Variants in UGT2B28 observed in about 807,000 individuals in gnomAD.
UGT2B28 encodes the protein UDP glucuronosyltransferase family 2 member B28.
Under a neutral mutation model 43.6 loss-of-function variants are expected in UGT2B28, and 45 were observed. The ratio of observed to expected loss-of-function variants is 1.03; its 90% CI spans 0.81 to 1.32. The LOEUF (loss-of-function observed/expected upper bound fraction) is 1.32, where lower values mean the gene tolerates loss of function less well. UGT2B28 is among the 40% of genes most tolerant of loss of function. The probability of loss-of-function intolerance (pLI) is 0.00; values close to 1 mark genes in which losing one functional copy is unlikely to be tolerated. For synonymous variants in UGT2B28, 204 were observed against 208.1 expected (o/e 0.98, Z 0.17); for missense variants, 649 against 625.5 (o/e 1.04, Z -0.40).
rs1461158326 is a variant in UGT2B28 at position 69,283,590 on chromosome 4, C to A, written c.870+928C>A. On this transcript the variant is annotated intron_variant, in intron 2 of 5. Transcript: ENST00000335568. ...CCTACATTTGCTAAAATAGTGCCAACTTCATATTGTGTTGTGTGGAAGAAA... is the reference window on the plus strand; with the variant it reads ...CCTACATTTGCTAAAATAGTGCCAAATTCATATTGTGTTGTGTGGAAGAAA... 5.0e-5 allele frequency among the ~76,000 whole-genome samples: 7 copies of A among 140,426 alleles called. 2 individuals are homozygous for A. The highest frequency in any genetic ancestry group is 1.9e-4 in the African/African-American group (7 of 36,030). 92.1% of individuals were successfully genotyped at this position (140,426 alleles called of 152,430 possible).
chr4:69,285,205 C>T lies in UGT2B28; in HGVS notation c.871-1547C>T, dbSNP rs1245395713. The stretch of plus-strand genomic sequence containing the variant: ...AATAAGTGTCACATGTATACATTGA[C>T]CTATATAAATAGGACAAAATCCATA... On this transcript the variant is annotated intron_variant, in intron 2 of 5. Transcript: ENST00000335568. Among the ~76,000 whole-genome samples the T allele has an allele frequency of 8.7e-5, 12 of 138,646 alleles. 3 individuals are homozygous for T. The highest frequency in any genetic ancestry group is 3.4e-4 in the African/African-American group (12 of 35,370). 91.0% of individuals were successfully genotyped at this position (138,646 alleles called of 152,430 possible). A position where few individuals can be genotyped will look rare whatever the true frequency, so the allele number is the denominator to read the frequency against.
intron 4 of UGT2B28, among the ~76,000 whole-genome samples, 179 bp from the exon 5 acceptor site, chr4:69,290,413 A>T (rs987897624): frequency 7.1e-6 from 1 of 140,638 alleles, no homozygotes; most frequent in Non-Finnish European, 1.5e-5. Context: ...AGTTATGCAC[A>T]CCACGGAGAC....
intron 2 of UGT2B28, 90 bp from the exon 3 acceptor site, chr4:69,286,662 T>G (rs1380703271): frequency 1.4e-6 from 2 of 1,438,228 alleles, no homozygotes; most frequent in Admixed American, 2.3e-5. Context: ...TCAAAATACT[T>G]GATTTTCTCT....
At position 69,293,600 on chromosome 4, in the gene UGT2B28, C is replaced by G. The variant is rs1204823816; in HGVS notation, c.1311-930C>G. Among the ~76,000 whole-genome samples, 6 of 139,408 alleles carry G rather than the reference C, an allele frequency of 4.3e-5. 1 individual carries two copies. Among genetic ancestry groups the G allele is most frequent in the African/African-American group, 1.1e-4 (4 of 35,522 alleles). The allele number at this position is 139,408 out of a possible 152,430, so 91.5% of individuals were successfully genotyped here. On this transcript the variant is annotated intron_variant, in intron 5 of 5. Transcript: ENST00000335568. ...GCCACAAAAAGGGAGAGAAGCATGCCTTGGGTTGCAGCAAGAAAGAGTACT... is the reference window on the plus strand; with the variant it reads ...GCCACAAAAAGGGAGAGAAGCATGCGTTGGGTTGCAGCAAGAAAGAGTACT...
chr4:69,286,897 C>T lies in UGT2B28; in HGVS notation c.1002+14C>T, dbSNP rs767386228. The T allele has an allele frequency of 1.3e-6, 2 of 1,551,890 alleles. No individual in the cohort carries two copies. The highest frequency in any genetic ancestry group is 3.6e-5 in the Admixed American group (2 of 55,112). ...ATCCCACAAAAGGTAAGATAAAGTG[C>T]CTTACTGGTGTGGAAAACTACTGAA... On this transcript the variant is annotated intron_variant, in intron 3 of 5. Coordinates refer to ENST00000335568, the MANE Select transcript of UGT2B28 (RefSeq NM_053039.2).
At chr4:69,292,832 A>G (rs1723992762) in intron 5 of UGT2B28, among the ~76,000 whole-genome samples, 1 of 140,488 alleles carries the variant, frequency 7.1e-6, no homozygotes, top group Admixed American at 7.1e-5. Context: ...GGTTAAAAAT[A>G]CTATTACTAA....
Position 69,289,226 on chromosome 4 carries a change from T to C in UGT2B28, c.1003-439T>C, listed in dbSNP as rs1288916792. Among the ~76,000 whole-genome samples, 2 of 139,800 alleles carry C rather than the reference T, an allele frequency of 1.4e-5. 1 individual carries two copies. The highest frequency in any genetic ancestry group is 5.6e-5 in the African/African-American group (2 of 35,648). 91.7% of individuals were successfully genotyped at this position (139,800 alleles called of 152,430 possible). On this transcript the variant is annotated intron_variant, in intron 3 of 5. Coordinates refer to ENST00000335568, the MANE Select transcript of UGT2B28 (RefSeq NM_053039.2). The stretch of plus-strand genomic sequence containing the variant: ...CAACCAACAGAGTATAAGCATTCCT[T>C]TTCTATACAATCTCGCCAACATCAT...
intron 2 of UGT2B28, among the ~76,000 whole-genome samples, chr4:69,283,675 T>A (rs746927555): frequency 7.1e-6 from 1 of 141,088 alleles, no homozygotes; most frequent in Non-Finnish European, 1.5e-5. Flanking sequence ...CTCAGAAATG[T>A]TATTAATTTT....
intron 4 of UGT2B28, 115 bp downstream of exon 4, chr4:69,289,867 C>CTTTGTATTTAT: frequency 8.7e-7 from 1 of 1,149,620 alleles, no homozygotes; most frequent in Non-Finnish European, 1.2e-6. Flanking sequence ...AAAAGAACTT[C>CTTTGTATTTAT]TTTGTATTTA....
chr4:69,281,001 G>C lies in UGT2B28; in HGVS notation c.501G>C (p.Pro167=), dbSNP rs72551401. 9.5e-3 allele frequency: 14,816 copies of C among 1,559,484 alleles called. 3,014 individuals are homozygous for C. In the East Asian group the frequency reaches 0.22, roughly 23 times the overall value. ...TGCTGGCTGCGCTACTTAACATACC[G>C]TTTGTGTACAGTCTCTGCTTCACTC... is the stretch of plus-strand genomic sequence containing the variant. ...GELLAALLNI[P]FVYSLCFTPG... The change falls in exon 1 of 6, where the codon CCG becomes CCC. Residue 167 remains proline, a synonymous_variant. Transcript: ENST00000335568.
chr4:69,280,809 T>A lies in UGT2B28; in HGVS notation c.309T>A (p.Asp103Glu). 1 of 1,566,914 alleles carries A rather than the reference T, an allele frequency of 6.4e-7. No homozygotes were observed. The highest frequency in any genetic ancestry group is 8.6e-7 in the Non-Finnish European group (1 of 1,158,426). ...AGAGATGGTCAGACATTCAAAAAGA[T>A]AGCTTTTGGTTATATTTTTCACAAG... Reference protein sequence around the residue: ...QVKRWSDIQKDSFWLYFSQEQ... With the variant: ...QVKRWSDIQKESFWLYFSQEQ... Residue 103 changes from aspartate (D) to glutamate (E), a missense_variant, in exon 1 of 6, where the codon GAT becomes GAA. Asp to Glu is a conservative substitution (Grantham distance 45, BLOSUM62 2). Transcript: ENST00000335568.
chr4:69,289,995 C>T (rs1723901825), intron 4 of UGT2B28, among the ~76,000 whole-genome samples: 1 of 140,340 alleles, frequency 7.1e-6, no homozygotes, highest in South Asian at 2.4e-4. Context: ...TTATATCTCA[C>T]AGAATTTTTC....
rs188061130 is a variant in UGT2B28 at position 69,289,088 on chromosome 4, T to C, written c.1003-577T>C. On this transcript the variant is annotated intron_variant, in intron 3 of 5. Coordinates refer to ENST00000335568, the MANE Select transcript of UGT2B28 (RefSeq NM_053039.2). ...ATCTTCATAAAAGAACCAGTTATAG[T>C]CCTTTGCTTATATACCCAGTAATGG... Among the ~76,000 whole-genome samples, 609 of 139,288 alleles carry C rather than the reference T, an allele frequency of 4.4e-3. 89 individuals carry two copies. Among genetic ancestry groups the C allele is most frequent in the Admixed American group, 0.037 (509 of 13,834 alleles). The allele number at this position is 139,288 out of a possible 152,430, so 91.4% of individuals were successfully genotyped here.
chr4:69,281,263 T>C, intron 1 of UGT2B28, 42 bp downstream of exon 1: 1 of 1,457,384 alleles, frequency 6.9e-7, no homozygotes, highest in Non-Finnish European at 9.0e-7. Flanking sequence ...TCTAACTTAT[T>C]TGTGTCTTTG....
Position 69,281,132 on chromosome 4 carries a change from T to TA in UGT2B28, c.638dup (p.Asn213LysfsTer9), listed in dbSNP as rs1723595128. 6.4e-7 allele frequency: 1 copy of TA among 1,557,788 alleles called. No homozygotes were observed. The highest frequency in any genetic ancestry group is 1.8e-5 in the Admixed American group (1 of 55,758). ...GATCAAATGACTTTCATGGAGAGGG[T>TA]AAAAAACATGATCTATGTGCTTTAT... On this transcript the variant is annotated frameshift_variant, in exon 1 of 6. Coordinates refer to ENST00000335568, the MANE Select transcript of UGT2B28 (RefSeq NM_053039.2). LOFTEE classifies it high-confidence loss of function.
At chr4:69,283,346 T>C (rs574797848) in intron 2 of UGT2B28, among the ~76,000 whole-genome samples, 1 of 139,160 alleles carries the variant, frequency 7.2e-6, no homozygotes, top group East Asian at 2.0e-4. Flanking sequence ...ATATTAGGAG[T>C]GGAAATATTT....
intron 2 of UGT2B28, among the ~76,000 whole-genome samples, chr4:69,284,127 A>C (rs530763375): frequency 7.1e-6 from 1 of 140,316 alleles, no homozygotes; most frequent in East Asian, 2.0e-4. Flanking sequence ...AACTCAGTAA[A>C]GCTTTCTGGG....
At chr4:69,283,191 A>G (rs4260603) in intron 2 of UGT2B28, among the ~76,000 whole-genome samples, 62,614 of 137,624 alleles carry the variant, frequency 0.45, 19,794 homozygotes, top group Non-Finnish European at 0.53. Context: ...CAATATGCAG[A>G]AATAGGTAAA....
At chr4:69,290,555 C>A (rs1244325557) in intron 4 of UGT2B28, 37 bp from the exon 5 acceptor site, 1 of 1,535,004 alleles carries the variant, frequency 6.5e-7, no homozygotes, top group South Asian at 1.2e-5. Flanking sequence ...GCATTTTATT[C>A]CTATGAATAA....
Sources: allele counts gnomAD v4.1 joint callset (sites outside exome capture counted in the v4.1 genomes callset), GRCh38; gene constraint gnomAD v4.1.1; transcripts MANE v1.5; gene names NCBI Gene and HGNC (gene_info 2026-07-23, HGNC 2026-07-21).